The following CCDC63 variants were observed in gnomAD, a reference collection of about 807,000 sequenced individuals.
CCDC63 encodes coiled-coil domain containing 63, also known as coiled-coil domain-containing protein 63.
A neutral mutation model predicts 63.6 loss-of-function variants in CCDC63; 54 were observed. The observed-to-expected ratio is 0.85, with a 90% CI of 0.68 to 1.07. CCDC63 has a LOEUF of 1.07. CCDC63 is among the 50% of genes least tolerant of loss of function. The probability of loss-of-function intolerance (pLI) is 0.00; values close to 1 mark genes in which losing one functional copy is unlikely to be tolerated. For synonymous variants in CCDC63, 253 were observed against 266.1 expected (o/e 0.95, Z 0.48); for missense variants, 637 against 689.6 (o/e 0.92, Z 0.86).
chr12:110,874,748 G>A (rs1163756051), intron 5 of CCDC63, among the ~76,000 whole-genome samples: 1 of 152,154 alleles, frequency 6.6e-6, no homozygotes, highest in Non-Finnish European at 1.5e-5. Flanking sequence ...AATCAGGGTG[G>A]GTGGTCAGAA....
At chr12:110,858,192 A>C (rs1415824740) in intron 3 of CCDC63, among the ~76,000 whole-genome samples, 1 of 152,090 alleles carries the variant, frequency 6.6e-6, no homozygotes, top group Admixed American at 6.6e-5. Flanking sequence ...ATCCTGCCTG[A>C]TGGTTTGCTC....
upstream of CCDC63, chr12:110,845,639 C>T (rs1044474712): frequency 6.6e-6 from 1 of 152,132 alleles, no homozygotes; most frequent in African/African-American, 2.4e-5. Flanking sequence ...GGCCCGAACC[C>T]TGTATGTAAT....
At chr12:110,856,062 C>T (rs2070765576) in intron 3 of CCDC63, among the ~76,000 whole-genome samples, 1 of 151,712 alleles carries the variant, frequency 6.6e-6, no homozygotes, top group African/African-American at 2.4e-5. Flanking sequence ...TTTACCAACC[C>T]TCTCTGAAAA....
intron 8 of CCDC63, 45 bp downstream of exon 8, chr12:110,884,295 C>T (rs2071250373): frequency 3.3e-6 from 5 of 1,524,576 alleles, no homozygotes; most frequent in Non-Finnish European, 3.6e-6. Context: ...CCTGTGTCCA[C>T]AGCAGCCTTT....
At chr12:110,880,154 C>G in intron 6 of CCDC63, 67 bp downstream of exon 6, 1 of 1,376,184 alleles carries the variant, frequency 7.3e-7, no homozygotes, top group Non-Finnish European at 1.0e-6. Flanking sequence ...TAGCTTCCTA[C>G]TCTGGGCCAC....
chr12:110,873,792 C>T (rs746490740), intron 4 of CCDC63, 50 bp from the exon 5 acceptor site: 1 of 1,602,468 alleles, frequency 6.2e-7, no homozygotes, highest in Non-Finnish European at 8.5e-7. Flanking sequence ...GAACGGGTAC[C>T]CATACAGATG....
chr12:110,859,263 G>A (rs898206438), intron 4 of CCDC63, among the ~76,000 whole-genome samples: 5 of 151,900 alleles, frequency 3.3e-5, no homozygotes, highest in Admixed American at 2.0e-4. Flanking sequence ...GTTCTAGAGG[G>A]TTTCATGCTG....
chr12:110,877,111 A>G (rs1431519746), intron 5 of CCDC63, among the ~76,000 whole-genome samples: 1 of 152,202 alleles, frequency 6.6e-6, no homozygotes, highest in African/African-American at 2.4e-5. Context: ...ACAATAGTGA[A>G]GCAAGTTAAC....
chr12:110,889,990 G>C lies in CCDC63; in HGVS notation c.1075-3086G>C, dbSNP rs562325332. On this transcript the variant is annotated intron_variant, in intron 8 of 11. Transcript: ENST00000308208. This position sits in a 1 kb window ranked among gnomAD's most constrained non-coding sequence, Gnocchi z 4.1. Reference sequence around the variant, plus strand: ...AATTCCATCACACGGACATAGCATTGTTTCATCTTTTTGGTAGAGTTCTTT... The same window carrying C: ...AATTCCATCACACGGACATAGCATTCTTTCATCTTTTTGGTAGAGTTCTTT... 6.6e-6 allele frequency among the ~76,000 whole-genome samples: 1 copy of C among 152,018 alleles called. No individual in the cohort carries two copies. The highest frequency in any genetic ancestry group is 1.9e-4 in the East Asian group (1 of 5,178).
chr12:110,900,393 C>T (rs763362466), intron 10 of CCDC63, among the ~76,000 whole-genome samples: 32 of 151,966 alleles, frequency 2.1e-4, no homozygotes, highest in African/African-American at 4.6e-4. Flanking sequence ...CAATAAAGCA[C>T]GGAAAAGAAA....
intron 5 of CCDC63, among the ~76,000 whole-genome samples, chr12:110,877,012 CCT>C (rs2136690046): frequency 1.3e-5 from 2 of 151,954 alleles, no homozygotes; most frequent in South Asian, 2.1e-4. Context: ...AGAGCGAGAC[CCT>C]GTTTCATAAA....
At chr12:110,870,123 C>T (rs761065167) in intron 4 of CCDC63, among the ~76,000 whole-genome samples, 1 of 152,158 alleles carries the variant, frequency 6.6e-6, no homozygotes, top group Non-Finnish European at 1.5e-5. Flanking sequence ...GCTCTTGTCG[C>T]CCAGGCTGGA....
chr12:110,906,096 A>G (rs1441581308), intron 11 of CCDC63, among the ~76,000 whole-genome samples: 1 of 110,678 alleles, frequency 9.0e-6, no homozygotes, highest in Non-Finnish European at 1.7e-5. Flanking sequence ...GTCCTCAGTC[A>G]GGGGTGATTT....
intron 4 of CCDC63, among the ~76,000 whole-genome samples, chr12:110,864,153 G>T (rs1384422327): frequency 1.3e-5 from 2 of 152,254 alleles, no homozygotes; most frequent in Non-Finnish European, 2.9e-5. Context: ...TAGACCAGGG[G>T]TAGCAAATTA....
At chr12:110,890,488 C>T (rs1420030232) in intron 8 of CCDC63, among the ~76,000 whole-genome samples, 1 of 152,048 alleles carries the variant, frequency 6.6e-6, no homozygotes, top group Non-Finnish European at 1.5e-5. Flanking sequence ...TATTATTATA[C>T]ACCTGTGGGA....
At chr12:110,876,584 C>G (rs185673238) in intron 5 of CCDC63, among the ~76,000 whole-genome samples, 80 of 152,252 alleles carry the variant, frequency 5.3e-4, no homozygotes, top group Non-Finnish European at 3.1e-4. Flanking sequence ...AGTGTTGGCC[C>G]TGCAGAAACC....
chr12:110,892,664 C>T (rs1426477475), intron 8 of CCDC63, among the ~76,000 whole-genome samples: 6 of 151,926 alleles, frequency 3.9e-5, no homozygotes, highest in Non-Finnish European at 5.9e-5. Context: ...AGTAAAAATA[C>T]AAAAAGCTGG....
intron 10 of CCDC63, 115 bp downstream of exon 10, chr12:110,899,240 A>G: frequency 1.1e-6 from 1 of 887,010 alleles, no homozygotes; most frequent in East Asian, 2.7e-5. Flanking sequence ...GTGTGTGGGC[A>G]CTAAAGCCAG....
chr12:110,884,527 G>C (rs2071253080), intron 8 of CCDC63, among the ~76,000 whole-genome samples: 1 of 151,850 alleles, frequency 6.6e-6, no homozygotes, highest in Non-Finnish European at 1.5e-5. Flanking sequence ...CTACAGGTGT[G>C]CACCACCATG....
Sources: allele counts gnomAD v4.1 joint callset (sites outside exome capture counted in the v4.1 genomes callset), GRCh38; gene constraint gnomAD v4.1.1; non-coding constraint Gnocchi (gnomAD v3.1); transcripts MANE v1.5; gene names NCBI Gene and HGNC (gene_info 2026-07-23, HGNC 2026-07-21).